Variants in FMNL1 observed in about 807,000 individuals in gnomAD.
FMNL1 encodes the protein formin like 1.
A neutral mutation model predicts 121.3 loss-of-function variants in FMNL1; 43 were observed. That is an observed-to-expected ratio of 0.35 (90% CI 0.28 to 0.46). The LOEUF (loss-of-function observed/expected upper bound fraction) is 0.46, where lower values mean the gene tolerates loss of function less well. Among genes scored for constraint, FMNL1 ranks in the 20% least tolerant of loss-of-function variants. FMNL1 has a pLI of 1.00. For missense variants in FMNL1, 1,191 were observed against 1,482.4 expected (o/e 0.80, Z 3.23); for synonymous variants, 613 against 613.5 (o/e 1.00, Z 0.01).
chr17:45,230,090 G>C (rs145972883), intron 1 of FMNL1, among the ~76,000 whole-genome samples: 4 of 152,214 alleles, frequency 2.6e-5, no homozygotes, highest in Non-Finnish European at 4.4e-5. Flanking sequence ...CCTGGTGTTC[G>C]TGAGGCACTG....
chr17:45,234,002 C>A, intron 5 of FMNL1, 70 bp from the exon 6 acceptor site: 5 of 1,573,208 alleles, frequency 3.2e-6, no homozygotes, highest in Admixed American at 1.8e-5. Context: ...TCTCTCCTTG[C>A]GTTTCCTCTG....
At position 45,233,505 on chromosome 17, in the gene FMNL1, C is replaced by T. The variant is rs1331068576; in HGVS notation, c.402-143C>T. 7.5e-6 allele frequency: 8 copies of T among 1,059,738 alleles called. No individual in the cohort carries two copies. The highest frequency in any genetic ancestry group is 2.7e-4 in the Middle Eastern group (1 of 3,752). The allele number at this position is 1,059,738 out of a possible 1,614,324, so 65.6% of individuals were successfully genotyped here. ...AGGCATGGCTGGGCTGTGGGACCCA[C>T]CTGAGTCTCCCAGAATCCTTTGGTA... On this transcript the variant is annotated intron_variant, in intron 4 of 26. Coordinates refer to ENST00000331495, the MANE Select transcript of FMNL1 (RefSeq NM_005892.4). The surrounding 1 kb of genome is among the most constrained non-coding windows in gnomAD (Gnocchi z 4.1).
intron 11 of FMNL1, among the ~76,000 whole-genome samples, chr17:45,239,790 G>A (rs896364904): frequency 6.7e-5 from 10 of 149,420 alleles, no homozygotes; most frequent in African/African-American, 2.5e-4. Context: ...AAAAGGTCAC[G>A]TACTCTATGA....
chr17:45,239,128 TAGC>T, intron 11 of FMNL1, 63 bp downstream of exon 11: 1 of 1,386,518 alleles, frequency 7.2e-7, no homozygotes, highest in South Asian at 1.2e-5. Flanking sequence ...GCTGAGTGGT[TAGC>T]AGCATGAGTG....
At position 45,233,622 on chromosome 17, in the gene FMNL1, G is replaced by T. The variant is rs1188594468; in HGVS notation, c.402-26G>T. ...TGGGGCAGGACCTCCTTTCTGGCTGGAGCTCAGGGAGCCCTGTGCCCACAG... is the reference window on the plus strand; with the variant it reads ...TGGGGCAGGACCTCCTTTCTGGCTGTAGCTCAGGGAGCCCTGTGCCCACAG... On this transcript the variant is annotated intron_variant, in intron 4 of 26. Transcript: ENST00000331495. The surrounding 1 kb of genome is among the most constrained non-coding windows in gnomAD (Gnocchi z 4.1). The T allele has an allele frequency of 1.2e-6, 2 of 1,613,492 alleles. No homozygotes were observed. Among genetic ancestry groups the T allele is most frequent in the Non-Finnish European group, 1.7e-6 (2 of 1,179,802 alleles).
intron 1 of FMNL1, among the ~76,000 whole-genome samples, chr17:45,229,012 C>T (rs1386353109): frequency 6.6e-6 from 1 of 152,002 alleles, no homozygotes; most frequent in Admixed American, 6.6e-5. Context: ...GACAGAGAGA[C>T]AGAGAATGAC....
chr17:45,237,126 A>T lies in FMNL1; in HGVS notation c.724-155A>T, dbSNP rs540436518. On this transcript the variant is annotated intron_variant, in intron 7 of 26. Transcript: ENST00000331495. This position sits in a 1 kb window ranked among gnomAD's most constrained non-coding sequence, Gnocchi z 4.4. ...GAGGGAAACTCCATCTTGAAAAAAAAAATAGAAACAAGGCCAGGTTTTGGT... is the reference window on the plus strand; with the variant it reads ...GAGGGAAACTCCATCTTGAAAAAAATAATAGAAACAAGGCCAGGTTTTGGT... Among the ~76,000 whole-genome samples the T allele has an allele frequency of 4.1e-5, 6 of 146,760 alleles. No individual in the cohort carries two copies. Among genetic ancestry groups the T allele is most frequent in the Non-Finnish European group, 7.4e-5 (5 of 67,442 alleles).
intron 1 of FMNL1, among the ~76,000 whole-genome samples, chr17:45,224,023 C>G (rs1332117086): frequency 6.6e-6 from 1 of 152,094 alleles, no homozygotes; most frequent in Non-Finnish European, 1.5e-5. Flanking sequence ...AGGGGGGACA[C>G]CCACAGGTGG....
Position 45,246,883 on chromosome 17 carries a change from C to T in FMNL1, c.*25C>T. The T allele has an allele frequency of 1.3e-6, 1 of 751,102 alleles. No individual in the cohort carries two copies. The highest frequency in any genetic ancestry group is 2.4e-6 in the Non-Finnish European group (1 of 412,302). The allele number at this position is 751,102 out of a possible 1,614,324, so 46.5% of individuals were successfully genotyped here. ...GGCTGCCAGATCTGCGGAACCAGCCCTACATCCGCGCAGACACAGGCCGCC... is the reference window on the plus strand; with the variant it reads ...GGCTGCCAGATCTGCGGAACCAGCCTTACATCCGCGCAGACACAGGCCGCC... On this transcript the variant is annotated 3_prime_UTR_variant, in exon 27 of 27. Transcript: ENST00000331495.
intron 6 of FMNL1, among the ~76,000 whole-genome samples, chr17:45,235,698 A>G (rs1567963350): frequency 1.3e-5 from 2 of 152,234 alleles, no homozygotes; most frequent in Admixed American, 6.5e-5. Context: ...TATTATTAGC[A>G]TTCCTATTCT....
At chr17:45,243,436 CA>C in intron 17 of FMNL1, 116 bp downstream of exon 17, 1 of 1,222,800 alleles carries the variant, frequency 8.2e-7, no homozygotes, top group Non-Finnish European at 1.1e-6. Context: ...GGCTTCATAC[CA>C]ACCCTGGTCC....
In FMNL1 at chr17:45,241,354, G is replaced by GCA; in HGVS notation, c.1333-26_1333-25dup. 2 of 1,581,726 alleles carry GCA rather than the reference G, an allele frequency of 1.3e-6. No individual in the cohort carries two copies. Among genetic ancestry groups the GCA allele is most frequent in the Non-Finnish European group, 8.6e-7 (1 of 1,164,062 alleles). Reference sequence around the variant, plus strand: ...TTGGTGCCAAGGAGCCTGCTGGTGGGCACTGACCCCTCCCGTGGGGTTCGT... The same window carrying GCA: ...TTGGTGCCAAGGAGCCTGCTGGTGGGCACACTGACCCCTCCCGTGGGGTTCGT... On this transcript the variant is annotated intron_variant, in intron 13 of 26. Coordinates refer to ENST00000331495, the MANE Select transcript of FMNL1 (RefSeq NM_005892.4). This position sits in a 1 kb window ranked among gnomAD's most constrained non-coding sequence, Gnocchi z 7.0.
chr17:45,233,749 A>G lies in FMNL1; in HGVS notation c.485+18A>G, dbSNP rs1201560810. On this transcript the variant is annotated intron_variant, in intron 5 of 26. Coordinates refer to ENST00000331495, the MANE Select transcript of FMNL1 (RefSeq NM_005892.4). The surrounding 1 kb of genome is among the most constrained non-coding windows in gnomAD (Gnocchi z 4.1). Reference sequence around the variant, plus strand: ...TCTGTCACGTAAGCCCCCTGCTCCCAGCCCTCATGCCGCTCCTCAGAGCTT... The same window carrying G: ...TCTGTCACGTAAGCCCCCTGCTCCCGGCCCTCATGCCGCTCCTCAGAGCTT... 3 of 1,613,548 alleles carry G rather than the reference A, an allele frequency of 1.9e-6. No homozygotes were observed. Among genetic ancestry groups the G allele is most frequent in the Non-Finnish European group, 2.5e-6 (3 of 1,179,862 alleles).
chr17:45,234,136 T>A lies in FMNL1; in HGVS notation c.550T>A (p.Ser184Thr). Residue 184 changes from serine (S) to threonine (T), a missense_variant, in exon 6 of 27, where the codon TCT becomes ACT. By Grantham distance (58) the Ser-to-Thr change is moderately conservative (BLOSUM62 1). Coordinates refer to ENST00000331495, the MANE Select transcript of FMNL1 (RefSeq NM_005892.4). ...NSEKNKPLEQSVEDLSKGPPS... is the reference protein window; with the variant it reads ...NSEKNKPLEQTVEDLSKGPPS... ...AGAGAAAAACAAGCCCCTGGAGCAG[T>A]CTGTGGAAGACCTCAGCAAGGGTCC... 6.2e-7 allele frequency: 1 copy of A among 1,614,044 alleles called. No individual in the cohort carries two copies.
Position 45,241,894 on chromosome 17 carries a change from C to T in FMNL1, c.1633C>T (p.Pro545Ser). 2.1e-6 allele frequency: 3 copies of T among 1,424,632 alleles called. No individual in the cohort carries two copies. The highest frequency in any genetic ancestry group is 1.5e-5 in the African/African-American group (1 of 66,306). The allele number at this position is 1,424,632 out of a possible 1,614,324, so 88.2% of individuals were successfully genotyped here. Residue 545 changes from proline to serine, a missense_variant, in exon 15 of 27, where the codon CCG becomes TCG. Around this residue, in one of 4 missense-constraint regions of FMNL1, gnomAD observed 519 missense variants for 492.8 expected, o/e 1.05. Transcript: ENST00000331495. The surrounding 1 kb of genome is among the most constrained non-coding windows in gnomAD (Gnocchi z 7.0). Reference protein sequence around the residue: ...EPAPGAAPPPPPPLPGLPSPQ... With the variant: ...EPAPGAAPPPSPPLPGLPSPQ... ...GGCTCCCGGAGCAGCGCCACCGCCGCCGCCCCCACTGCCCGGCCTCCCCTC... is the reference window on the plus strand; with the variant it reads ...GGCTCCCGGAGCAGCGCCACCGCCGTCGCCCCCACTGCCCGGCCTCCCCTC...
At chr17:45,235,070 A>C (rs975460491) in intron 6 of FMNL1, among the ~76,000 whole-genome samples, 1 of 152,250 alleles carries the variant, frequency 6.6e-6, no homozygotes, top group Non-Finnish European at 1.5e-5. Flanking sequence ...TAGAGGATTG[A>C]TTGCATATTA....
rs1237958729 is a variant in FMNL1, at chr17:45,231,798, C to A, written c.214-569C>A. Among the ~76,000 whole-genome samples, 3 of 152,118 alleles carry A rather than the reference C, an allele frequency of 2.0e-5. No homozygotes were observed. Among genetic ancestry groups the A allele is most frequent in the Non-Finnish European group, 4.4e-5 (3 of 67,998 alleles). The stretch of plus-strand genomic sequence containing the variant: ...CGAGTCCTACCCAGGTGCTGGGTCC[C>A]CTTCACGAGGCACCTCCAGCCGTCC... On this transcript the variant is annotated intron_variant, in intron 2 of 26. Coordinates refer to ENST00000331495, the MANE Select transcript of FMNL1 (RefSeq NM_005892.4). The surrounding 1 kb of genome is among the most constrained non-coding windows in gnomAD (Gnocchi z 4.7).
At chr17:45,223,812 G>A (rs2043278838) in intron 1 of FMNL1, among the ~76,000 whole-genome samples, 1 of 152,210 alleles carries the variant, frequency 6.6e-6, no homozygotes, top group Non-Finnish European at 1.5e-5. Context: ...CTCTTGGGGT[G>A]AGGTCCTGAC....
chr17:45,233,364 C>T lies in FMNL1; in HGVS notation c.401+67C>T. 2 of 1,467,930 alleles carry T rather than the reference C, an allele frequency of 1.4e-6. No individual in the cohort carries two copies. Among genetic ancestry groups the T allele is most frequent in the East Asian group, 2.5e-5 (1 of 40,358 alleles). 90.9% of individuals were successfully genotyped at this position (1,467,930 alleles called of 1,614,324 possible). On this transcript the variant is annotated intron_variant, in intron 4 of 26. Transcript: ENST00000331495. The surrounding 1 kb of genome is among the most constrained non-coding windows in gnomAD (Gnocchi z 4.1). ...CTCTGCTTCCAGGCAGCTCCTGGAG[C>T]TTCCCCTTCCTACTCCCCCTGCCCC...
Sources: allele counts gnomAD v4.1 joint callset (sites outside exome capture counted in the v4.1 genomes callset), GRCh38; gene constraint gnomAD v4.1.1; regional missense constraint gnomAD v4.1.1; non-coding constraint Gnocchi (gnomAD v3.1); transcripts MANE v1.5; gene names NCBI Gene and HGNC (gene_info 2026-07-23, HGNC 2026-07-21).